The following CDH4 variants were observed in gnomAD, a reference collection of about 807,000 sequenced individuals.
CDH4 encodes the protein cadherin 4.
A neutral mutation model predicts 86.0 loss-of-function variants in CDH4; 33 were observed. That is an observed-to-expected ratio of 0.38 (90% CI 0.29 to 0.51). The LOEUF is 0.51. CDH4 is among the 20% of genes least tolerant of loss of function. CDH4 has a pLI of 0.86. For missense variants in CDH4, 1,114 were observed against 1,307.4 expected (o/e 0.85, Z 2.28); for synonymous variants, 555 against 549.4 (o/e 1.01, Z -0.14).
In CDH4 at chr20:61,684,002, G is replaced by A. The variant is rs981223943; in HGVS notation, c.170-59561G>A. 7.2e-5 allele frequency among the ~76,000 whole-genome samples: 11 copies of A among 152,346 alleles called. No individual in the cohort carries two copies. The highest frequency in any genetic ancestry group is 4.6e-4 in the Admixed American group (7 of 15,314). On this transcript the variant is annotated intron_variant, in intron 2 of 15. Transcript: ENST00000614565. This position sits in a 1 kb window ranked among gnomAD's most constrained non-coding sequence, Gnocchi z 4.5. The stretch of plus-strand genomic sequence containing the variant: ...ATCATCCCCTTCCCAGGAGCTCCTC[G>A]TGTCTGGGGAGGTGGGCGTGGCAGG...
intron 2 of CDH4, among the ~76,000 whole-genome samples, chr20:61,309,100 A>G (rs1248652510): frequency 1.3e-5 from 2 of 152,274 alleles, no homozygotes; most frequent in Non-Finnish European, 2.9e-5. Context: ...ACGGCAGAGC[A>G]TGGAGCCAAG....
At chr20:61,934,370 C>A (rs2055153718) in intron 15 of CDH4, 150 bp downstream of exon 15, 1 of 802,618 alleles carries the variant, frequency 1.2e-6, no homozygotes, top group Non-Finnish European at 1.8e-6. Flanking sequence ...CTGCTCTGCC[C>A]CTCCAGCGGG....
intron 2 of CDH4, among the ~76,000 whole-genome samples, chr20:61,272,503 A>G (rs1384865269): frequency 6.6e-6 from 1 of 152,222 alleles, no homozygotes; most frequent in African/African-American, 2.4e-5. Context: ...CAGTTTTGAA[A>G]TAATATTATT....
intron 2 of CDH4, among the ~76,000 whole-genome samples, chr20:61,361,442 G>A (rs181360111): frequency 6.6e-6 from 1 of 152,306 alleles, no homozygotes; most frequent in Admixed American, 6.5e-5. Context: ...ACTCCCAGGT[G>A]TGATTTTCCA....
At chr20:61,673,207 A>G (rs1023638764) in intron 2 of CDH4, among the ~76,000 whole-genome samples, 2 of 152,104 alleles carry the variant, frequency 1.3e-5, no homozygotes, top group African/African-American at 4.8e-5. Context: ...TGACCTCTAG[A>G]GCGCTGAGAT....
intron 3 of CDH4, among the ~76,000 whole-genome samples, chr20:61,744,507 GGAGGGGAGAGGAAGA>G (rs1264317739): frequency 0.23 from 4,740 of 20,994 alleles, 255 homozygotes; most frequent in East Asian, 0.37. Flanking sequence ...AGAAGGAAAG[GGAGGGGAGAGGAAGA>G]GAGGGAGAGA....
chr20:61,284,936 A>T (rs1366622543), intron 2 of CDH4, among the ~76,000 whole-genome samples: 2 of 152,134 alleles, frequency 1.3e-5, no homozygotes, highest in Non-Finnish European at 2.9e-5. Flanking sequence ...ATAAAACTTT[A>T]TTTACAACAG....
intron 2 of CDH4, among the ~76,000 whole-genome samples, chr20:61,409,259 C>T (rs116477423): frequency 6.6e-6 from 1 of 152,154 alleles, no homozygotes; most frequent in Non-Finnish European, 1.5e-5. Flanking sequence ...ATCAAATAAA[C>T]CTCAAAGCAG....
chr20:61,874,319 C>A (rs746007965), intron 7 of CDH4, among the ~76,000 whole-genome samples: 1 of 152,114 alleles, frequency 6.6e-6, no homozygotes, highest in African/African-American at 2.4e-5. Flanking sequence ...ACCCAGGCTG[C>A]GGCGGCCTGG....
chr20:61,617,055 C>T (rs2086730911), intron 2 of CDH4, among the ~76,000 whole-genome samples: 2 of 152,162 alleles, frequency 1.3e-5, no homozygotes, highest in South Asian at 4.1e-4. Flanking sequence ...AGAAGAACAC[C>T]CACAAGTGAC....
At chr20:61,860,281 C>A (rs1047438776) in intron 6 of CDH4, among the ~76,000 whole-genome samples, 2 of 152,230 alleles carry the variant, frequency 1.3e-5, no homozygotes, top group African/African-American at 4.8e-5. Flanking sequence ...GTTCCAGATT[C>A]CTCAGAGCAC....
rs546203756 is a variant in CDH4, at chr20:61,516,442, C to T, written c.170-227121C>T. Among the ~76,000 whole-genome samples the T allele has an allele frequency of 1.1e-4, 17 of 152,280 alleles. 1 individual carries two copies. Among genetic ancestry groups the T allele is most frequent in the Middle Eastern group, 3.4e-3 (1 of 294 alleles). On this transcript the variant is annotated intron_variant, in intron 2 of 15. Coordinates refer to ENST00000614565, the MANE Select transcript of CDH4 (RefSeq NM_001794.5). The surrounding 1 kb of genome is among the most constrained non-coding windows in gnomAD (Gnocchi z 4.0). ...GACTCCTCATCACCAGATGCCGCTGCGGCTTCCATTTTACAGACCGGGAGG... is the reference window on the plus strand; with the variant it reads ...GACTCCTCATCACCAGATGCCGCTGTGGCTTCCATTTTACAGACCGGGAGG...
chr20:61,787,702 A>C (rs936687540), intron 4 of CDH4, among the ~76,000 whole-genome samples: 1 of 152,258 alleles, frequency 6.6e-6, no homozygotes, highest in Non-Finnish European at 1.5e-5. Flanking sequence ...TGGGAACCAG[A>C]GAATGTGGGA....
At chr20:61,836,915 C>T (rs1380620971) in intron 4 of CDH4, among the ~76,000 whole-genome samples, 1 of 152,252 alleles carries the variant, frequency 6.6e-6, no homozygotes, top group Non-Finnish European at 1.5e-5. Flanking sequence ...GGTAGGGGGT[C>T]TGGCACACTG....
chr20:61,452,026 G>A (rs2427108), intron 2 of CDH4, among the ~76,000 whole-genome samples: 82,143 of 152,066 alleles, frequency 0.54, 22,320 homozygotes, highest in Admixed American at 0.62. Flanking sequence ...TTCAGAAAAC[G>A]GCTGTGGCCC....
chr20:61,409,524 C>G (rs2145488966), intron 2 of CDH4, among the ~76,000 whole-genome samples: 1 of 152,340 alleles, frequency 6.6e-6, no homozygotes, highest in African/African-American at 2.4e-5. Flanking sequence ...CCCGGGGCCG[C>G]CTGGGCAGTC....
At chr20:61,686,413 C>A (rs6061737) in intron 2 of CDH4, among the ~76,000 whole-genome samples, 6 of 151,368 alleles carry the variant, frequency 4.0e-5, no homozygotes, top group African/African-American at 9.7e-5. Flanking sequence ...GTGTATGTGC[C>A]TGTACATTTG....
At chr20:61,771,609 G>A (rs1264249383) in intron 3 of CDH4, among the ~76,000 whole-genome samples, 1 of 132,818 alleles carries the variant, frequency 7.5e-6, no homozygotes, top group African/African-American at 2.8e-5. Context: ...ATGACACAGT[G>A]AGACTCCATC....
chr20:61,330,713 A>T (rs1600871946), intron 2 of CDH4, among the ~76,000 whole-genome samples: 1 of 152,130 alleles, frequency 6.6e-6, no homozygotes, highest in Admixed American at 6.5e-5. Flanking sequence ...CCACCTTGGG[A>T]ATTCGCTTTT....
Sources: gnomAD v4.1 joint callset for allele counts (sites outside exome capture counted in the v4.1 genomes callset) on GRCh38, gnomAD v4.1.1 for gene constraint, Gnocchi (gnomAD v3.1) non-coding constraint, MANE v1.5 for transcripts, NCBI Gene and HGNC (gene_info 2026-07-23, HGNC 2026-07-21) for gene names.